The following UNC13C variants were observed in gnomAD, a reference collection of about 807,000 sequenced individuals.
The protein encoded by UNC13C is unc-13 homolog C, also known as protein unc-13 homolog C.
Under a neutral mutation model 245.4 loss-of-function variants are expected in UNC13C, and 174 were observed. That is an observed-to-expected ratio of 0.71 (90% confidence interval 0.63 to 0.80). The LOEUF is 0.80. UNC13C is among the 30% of genes least tolerant of loss of function. UNC13C has a pLI of 0.00. For missense variants in UNC13C, 2,829 were observed against 2,602.9 expected (o/e 1.09, Z -1.89); for synonymous variants, 992 against 895.1 (o/e 1.11, Z -1.93).
chr15:54,509,922 T>C (rs1400523446), intron 23 of UNC13C, among the ~76,000 whole-genome samples: 2 of 152,160 alleles, frequency 1.3e-5, no homozygotes, highest in South Asian at 2.1e-4. Context: ...TCTCCTCTTT[T>C]TTCTCTGTAG....
At chr15:54,571,528 C>A (rs1472224940) in intron 30 of UNC13C, among the ~76,000 whole-genome samples, 2 of 152,170 alleles carry the variant, frequency 1.3e-5, no homozygotes, top group Non-Finnish European at 2.9e-5. Flanking sequence ...TTGCAATTAT[C>A]CAAATAACTG....
intron 10 of UNC13C, among the ~76,000 whole-genome samples, chr15:54,280,180 C>T (rs1020617496): frequency 1.3e-5 from 2 of 151,776 alleles, no homozygotes; most frequent in African/African-American, 2.4e-5. Flanking sequence ...GTATTGCTTC[C>T]AACAGTAGAT....
chr15:54,312,615 A>G (rs974380295), intron 13 of UNC13C, among the ~76,000 whole-genome samples: 3 of 151,582 alleles, frequency 2.0e-5, no homozygotes, highest in Non-Finnish European at 2.9e-5. Context: ...CTCATTCCCT[A>G]TTGTACAGGC....
At chr15:54,221,751 C>T (rs1596031567) in intron 4 of UNC13C, among the ~76,000 whole-genome samples, 1 of 151,992 alleles carries the variant, frequency 6.6e-6, no homozygotes, top group Non-Finnish European at 1.5e-5. Flanking sequence ...CTCAGACCCA[C>T]AGTCTTCAAT....
At chr15:54,048,358 CAGTA>C (rs1897129395) in intron 2 of UNC13C, among the ~76,000 whole-genome samples, 1 of 152,164 alleles carries the variant, frequency 6.6e-6, no homozygotes, top group Admixed American at 6.5e-5. Flanking sequence ...TTTCTTTTGA[CAGTA>C]AGCAACAACC....
the UNC13C span, among the ~76,000 whole-genome samples, chr15:53,935,972 G>A: frequency 5.9e-5 from 9 of 152,186 alleles, no homozygotes; most frequent in African/African-American, 2.2e-4. Flanking sequence ...GGCAAAGCAG[G>A]AGATCTGATC....
chr15:54,115,855 T>A (rs1357709412), intron 2 of UNC13C, among the ~76,000 whole-genome samples: 1 of 152,092 alleles, frequency 6.6e-6, no homozygotes, highest in Non-Finnish European at 1.5e-5. Flanking sequence ...GATGAAGGCA[T>A]GTGATTTATA....
chr15:54,412,607 G>C (rs2040438652), intron 18 of UNC13C, among the ~76,000 whole-genome samples: 1 of 152,160 alleles, frequency 6.6e-6, no homozygotes, highest in Admixed American at 6.5e-5. Context: ...TTCATTGGTA[G>C]TATACCAAAA....
intron 4 of UNC13C, among the ~76,000 whole-genome samples, chr15:54,203,587 C>T (rs1252486986): frequency 2.1e-5 from 3 of 144,942 alleles, no homozygotes; most frequent in African/African-American, 5.0e-5. Flanking sequence ...TGTGTGTATT[C>T]GATATATTTT....
rs1409498276 is a variant in UNC13C at position 54,538,542 on chromosome 15, T to A, written c.5696+5476T>A. Among the ~76,000 whole-genome samples the A allele has an allele frequency of 9.9e-5, 15 of 152,142 alleles. No individual in the cohort carries two copies. The East Asian group carries it at 2.9e-3, about 29-fold the overall frequency. On this transcript the variant is annotated intron_variant, in intron 26 of 32. Transcript: ENST00000260323. Reference sequence around the variant, plus strand: ...TTGTTCTACCGTAAAGACACATGCATGCGTATGTTCATTGCAGCACTGTTC... The same window carrying A: ...TTGTTCTACCGTAAAGACACATGCAAGCGTATGTTCATTGCAGCACTGTTC...
chr15:54,391,608 A>T (rs1468943153), intron 17 of UNC13C, among the ~76,000 whole-genome samples: 1 of 152,002 alleles, frequency 6.6e-6, no homozygotes, highest in East Asian at 1.9e-4. Flanking sequence ...TCCTTTGGAG[A>T]TTGCTTATCA....
At chr15:54,242,766 A>G (rs2035887941) in intron 7 of UNC13C, among the ~76,000 whole-genome samples, 1 of 152,218 alleles carries the variant, frequency 6.6e-6, no homozygotes, top group African/African-American at 2.4e-5. Context: ...AATAATAATA[A>G]TCTAACCATG....
chr15:54,396,763 C>T (rs2040077991), intron 18 of UNC13C, among the ~76,000 whole-genome samples: 2 of 151,296 alleles, frequency 1.3e-5, no homozygotes, highest in Admixed American at 6.6e-5. Flanking sequence ...TTTGCACTTT[C>T]CTGAATCCTA....
At chr15:54,352,842 C>T (rs992064402) in intron 17 of UNC13C, among the ~76,000 whole-genome samples, 1 of 152,056 alleles carries the variant, frequency 6.6e-6, no homozygotes, top group Non-Finnish European at 1.5e-5. Flanking sequence ...ATATGGCTCT[C>T]TATAGAGGTG....
At position 54,376,755 on chromosome 15, in the gene UNC13C, T is replaced by C. The variant is rs191710420; in HGVS notation, c.4714-16293T>C. ...TATGCTCTGCTTCTCTGAGAACCCA[T>C]TGAAAACCACATGAAACATATTTGA... is the stretch of plus-strand genomic sequence containing the variant. On this transcript the variant is annotated intron_variant, in intron 17 of 32. Coordinates refer to ENST00000260323, the MANE Select transcript of UNC13C (RefSeq NM_001080534.3). 1.1e-3 allele frequency among the ~76,000 whole-genome samples: 173 copies of C among 152,258 alleles called. 1 individual carries two copies. The highest frequency in any genetic ancestry group is 2.0e-3 in the Admixed American group (31 of 15,296).
At chr15:53,913,034 G>A in the UNC13C span, 23 of 152,254 alleles carry the variant, frequency 1.5e-4, no homozygotes, top group African/African-American at 5.6e-4. Context: ...GCTCCAGAGA[G>A]CCAGGAACAG....
At chr15:54,453,002 C>G (rs574916155) in intron 19 of UNC13C, among the ~76,000 whole-genome samples, 3 of 152,162 alleles carry the variant, frequency 2.0e-5, no homozygotes, top group African/African-American at 7.2e-5. Context: ...GGGCCCAGGA[C>G]AGGATGCATT....
rs566724232 is a variant in UNC13C, at chr15:54,076,567, A to G, written c.2983+60681A>G. ...AGGTTAATTATTTTTTAAAGTGTTT[A>G]CAGTTCCCTGGAAAACACCACATTT... On this transcript the variant is annotated intron_variant, in intron 2 of 32. Transcript: ENST00000260323. 3.3e-5 allele frequency among the ~76,000 whole-genome samples: 5 copies of G among 152,292 alleles called. No homozygotes were observed. In the East Asian group the frequency reaches 9.7e-4, roughly 29 times the overall value.
chr15:53,967,051 T>G, the UNC13C span, among the ~76,000 whole-genome samples: 1 of 152,180 alleles, frequency 6.6e-6, no homozygotes. Flanking sequence ...TTTCCTGATC[T>G]GTGTACCCTC....
Sources: gnomAD v4.1 joint callset for allele counts (sites outside exome capture counted in the v4.1 genomes callset) on GRCh38, gnomAD v4.1.1 for gene constraint, MANE v1.5 for transcripts, NCBI Gene and HGNC (gene_info 2026-07-23, HGNC 2026-07-21) for gene names.